The following TMED3 variants were observed in gnomAD, a reference collection of about 807,000 sequenced individuals.
TMED3 encodes the protein transmembrane p24 trafficking protein 3.
Under a neutral mutation model 15.0 loss-of-function variants are expected in TMED3, and 9 were observed. That is an observed-to-expected ratio of 0.60 (90% CI 0.36 to 1.04). TMED3 has a LOEUF of 1.04. TMED3 is among the 50% of genes least tolerant of loss of function. The pLI is 0.01. For synonymous variants in TMED3, 117 were observed against 121.4 expected, an observed-to-expected ratio of 0.96 and a Z score of 0.24; for missense variants, 267 against 278.9, an observed-to-expected ratio of 0.96 and a Z score of 0.30.
intron 2 of TMED3, among the ~76,000 whole-genome samples, chr15:79,330,774 C>T (rs2058805407): frequency 6.6e-6 from 1 of 152,068 alleles, no homozygotes; most frequent in Admixed American, 6.6e-5. Context: ...ACTTCCAGAC[C>T]TCAAAGTATA....
intron 2 of TMED3, among the ~76,000 whole-genome samples, chr15:79,347,264 A>G (rs1310242511): frequency 2.0e-5 from 3 of 152,220 alleles, no homozygotes; most frequent in African/African-American, 7.2e-5. Flanking sequence ...CATAAACAGA[A>G]CTAAAGACAA....
intron 2 of TMED3, among the ~76,000 whole-genome samples, chr15:79,375,459 A>T (rs1893407547): frequency 6.6e-6 from 1 of 152,166 alleles, no homozygotes; most frequent in Non-Finnish European, 1.5e-5. Context: ...ACATTGCTAT[A>T]AAGAAATACC....
At chr15:79,353,281 T>C (rs1215075356) in intron 2 of TMED3, among the ~76,000 whole-genome samples, 1 of 48,154 alleles carries the variant, frequency 2.1e-5, no homozygotes, top group Admixed American at 4.0e-4. Context: ...ATATATATAA[T>C]ATATATTATA....
chr15:79,313,873 G>A lies in TMED3; in HGVS notation c.285G>A (p.Lys95=). Residue 95 remains lysine (K), a synonymous_variant, in exon 2 of 3, where the codon AAG becomes AAA. Coordinates refer to ENST00000299705, the MANE Select transcript of TMED3 (RefSeq NM_007364.4). ...YDSFTYRAEV[K]GVYQFCFSNE... is the part of the protein sequence containing the mutation. ...GCTTCACGTACCGGGCTGAAGTCAA[G>A]GGCGTTTATCAGTTTTGCTTCAGTA... is the stretch of plus-strand genomic sequence containing the variant. The A allele has an allele frequency of 6.2e-7, 1 of 1,614,212 alleles. No homozygotes were observed.
At chr15:79,358,223 TG>T (rs1178510086) in intron 2 of TMED3, among the ~76,000 whole-genome samples, 3 of 152,220 alleles carry the variant, frequency 2.0e-5, no homozygotes, top group African/African-American at 7.2e-5. Context: ...AGGAATTTTC[TG>T]GGGGCCTGCT....
chr15:79,400,799 ACCTTT>A (rs1024626491), intron 2 of TMED3, among the ~76,000 whole-genome samples: 5 of 152,294 alleles, frequency 3.3e-5, no homozygotes, highest in African/African-American at 1.2e-4. Context: ...ATGTCAAGGG[ACCTTT>A]CCACGTCTGA....
intron 2 of TMED3, among the ~76,000 whole-genome samples, chr15:79,385,466 C>A (rs1243283308): frequency 1.3e-5 from 2 of 152,204 alleles, no homozygotes; most frequent in Non-Finnish European, 2.9e-5. Context: ...GCCAGTGGAT[C>A]TTACTTTGTG....
intron 2 of TMED3, chr15:79,382,860 T>C (rs2141250284): frequency 9.5e-7 from 1 of 1,049,024 alleles, no homozygotes; most frequent in Non-Finnish European, 1.4e-6. Flanking sequence ...TTTTATATTA[T>C]CTTTCATGGG....
At chr15:79,356,189 G>A (rs1348696366) in intron 2 of TMED3, among the ~76,000 whole-genome samples, 1 of 152,120 alleles carries the variant, frequency 6.6e-6, no homozygotes, top group Non-Finnish European at 1.5e-5. Flanking sequence ...GGGATGAAGT[G>A]GTTCAACAGG....
chr15:79,384,923 G>A (rs1469831453), intron 2 of TMED3, among the ~76,000 whole-genome samples: 3 of 152,112 alleles, frequency 2.0e-5, no homozygotes, highest in Admixed American at 6.6e-5. Flanking sequence ...TGGCATTCAC[G>A]GAGAGGAATG....
intron 2 of TMED3, among the ~76,000 whole-genome samples, chr15:79,349,909 C>T (rs1290215788): frequency 6.6e-6 from 1 of 152,226 alleles, no homozygotes; most frequent in Non-Finnish European, 1.5e-5. Context: ...TCTGACCACT[C>T]ATCCATAGAT....
At chr15:79,348,246 A>C (rs2058878466) in intron 2 of TMED3, among the ~76,000 whole-genome samples, 2 of 152,192 alleles carry the variant, frequency 1.3e-5, no homozygotes, top group Non-Finnish European at 2.9e-5. Context: ...TGTCACACAG[A>C]TAGTGGCCTG....
chr15:79,323,991 G>T (rs923453619), downstream of TMED3, among the ~76,000 whole-genome samples: 1 of 152,066 alleles, frequency 6.6e-6, no homozygotes, highest in African/African-American at 2.4e-5. Context: ...CAATCCAGAA[G>T]AAATTTTTTT....
At chr15:79,323,731 C>T (rs1462210257), downstream of TMED3, among the ~76,000 whole-genome samples, 2 of 152,164 alleles carry the variant, frequency 1.3e-5, no homozygotes, top group Non-Finnish European at 2.9e-5. Context: ...TTTACTAAAA[C>T]TCACGTTGTC....
intron 2 of TMED3, among the ~76,000 whole-genome samples, chr15:79,410,449 G>A (rs1893960715): frequency 6.7e-6 from 1 of 149,752 alleles, no homozygotes; most frequent in African/African-American, 2.4e-5. Context: ...GGGCAGCTGT[G>A]ATGTGGCCAG....
intron 2 of TMED3, among the ~76,000 whole-genome samples, chr15:79,360,804 A>C (rs1053475980): frequency 6.6e-6 from 1 of 152,232 alleles, no homozygotes; most frequent in South Asian, 2.1e-4. Context: ...AGTATGCTAC[A>C]GAATCACTTA....
intron 2 of TMED3, among the ~76,000 whole-genome samples, chr15:79,411,204 C>A (rs1893974101): frequency 6.6e-6 from 1 of 152,146 alleles, no homozygotes; most frequent in Admixed American, 6.5e-5. Context: ...CCCAAGAGCT[C>A]CCCATTTCTG....
intron 2 of TMED3, among the ~76,000 whole-genome samples, chr15:79,410,436 G>A (rs1893960312): frequency 6.6e-6 from 1 of 152,092 alleles, no homozygotes; most frequent in South Asian, 2.1e-4. Flanking sequence ...AGAGCACTTG[G>A]AGGGGCAGCT....
downstream of TMED3, among the ~76,000 whole-genome samples, chr15:79,326,982 T>A (rs1427783172): frequency 6.6e-6 from 1 of 152,064 alleles, no homozygotes; most frequent in African/African-American, 2.4e-5. Context: ...TGTACAGAGA[T>A]CACAGGGTGA....
Sources: gnomAD v4.1 joint callset for allele counts (sites outside exome capture counted in the v4.1 genomes callset) on GRCh38, gnomAD v4.1.1 for gene constraint, MANE v1.5 for transcripts, NCBI Gene and HGNC (gene_info 2026-07-23, HGNC 2026-07-21) for gene names.